Variants in WDR90 observed in about 807,000 individuals in gnomAD.
WDR90 encodes the protein WD repeat domain 90.
A neutral mutation model predicts 195.2 loss-of-function variants in WDR90; 238 were observed. The ratio of observed to expected loss-of-function variants is 1.22; its 90% CI spans 1.10 to 1.36. The LOEUF is 1.36. WDR90 is among the 40% of genes most tolerant of loss of function. The pLI is 0.00. For missense variants in WDR90, 2,734 were observed against 2,439.5 expected (o/e 1.12, Z -2.54); for synonymous variants, 1,265 against 1,052.4 (o/e 1.20, Z -3.91).
intron 23 of WDR90, 28 bp from the exon 24 acceptor site, chr16:658,868 G>T (rs1321823486): frequency 6.2e-7 from 1 of 1,608,778 alleles, no homozygotes; most frequent in Admixed American, 1.7e-5. Context: ...CCGCCTCGGG[G>T]TCCTGCATGT....
rs755853651 is a variant in WDR90 at position 661,124 on chromosome 16, C to T, written c.3465C>T (p.Ser1155=). The part of the protein sequence containing the change: ...DLHSGAQQHW[S]GHSAEISTLA... Reference sequence around the variant, plus strand: ...ACTCTGGCGCCCAGCAGCACTGGTCCGGCCACTCTGCGGAGATCTCCACGC... The same window carrying T: ...ACTCTGGCGCCCAGCAGCACTGGTCTGGCCACTCTGCGGAGATCTCCACGC... The change falls in exon 29 of 41, where the codon TCC becomes TCT. Residue 1155 remains serine, a synonymous_variant. Transcript: ENST00000293879. 90 of 1,563,532 alleles carry T rather than the reference C, an allele frequency of 5.8e-5. No individual in the cohort carries two copies. The South Asian group carries it at 7.1e-4, about 12-fold the overall frequency.
rs143792399 is a variant in WDR90, at chr16:662,535, G to T, written c.4146-144G>T. ...ATGGGCCCAGAAGCCCCAGCTCCAT[G>T]GGCTTTCTCTTCTTCCACCGGGAGG... On this transcript the variant is annotated intron_variant, in intron 33 of 40. Transcript: ENST00000293879. The T allele has an allele frequency of 1.2e-3, 1,550 of 1,287,938 alleles. 18 individuals are homozygous for T. In the East Asian group the frequency reaches 0.021, roughly 18 times the overall value. 79.8% of individuals were successfully genotyped at this position (1,287,938 alleles called of 1,614,324 possible). A position where few individuals can be genotyped will look rare whatever the true frequency, so the allele number is the denominator to read the frequency against.
rs752097396 is a variant in WDR90 at position 659,105 on chromosome 16, GC to G, written c.3038del (p.Pro1013GlnfsTer98). 26 of 1,611,792 alleles carry G rather than the reference GC, an allele frequency of 1.6e-5. No homozygotes were observed. The highest frequency in any genetic ancestry group is 4.4e-5 in the South Asian group (4 of 91,068). ...CTCCAGCGACCAAAGCTTCCCCGGG[GC>G]CCCCCCAGCCTGCAAGACAGGTGAG... The part of the protein sequence containing the change: ...PTESDQSFPG[A>X]PPACKTGPGA... On this transcript the variant is annotated frameshift_variant, in exon 25 of 41. Coordinates refer to ENST00000293879, the MANE Select transcript of WDR90 (RefSeq NM_145294.5). LOFTEE classifies it high-confidence loss of function.
At chr16:654,292 C>G (rs1286795881) in intron 13 of WDR90, 2 of 157,054 alleles carry the variant, frequency 1.3e-5, no homozygotes, top group African/African-American at 4.8e-5. Flanking sequence ...CCTCCCTGAC[C>G]TCCCCGCCAG....
In WDR90 at chr16:662,060, G is replaced by T. The variant is rs761854455; in HGVS notation, c.4033+1G>T. ...TGGGAGGCGGATGACGGTGGCATTG[G>T]TGAGTGCCCCGCAGAAGCCCTGTGG... On this transcript the variant is annotated splice_donor_variant, in intron 32 of 40. Transcript: ENST00000293879. LOFTEE classifies it high-confidence loss of function. 1.9e-6 allele frequency: 3 copies of T among 1,600,444 alleles called. No homozygotes were observed. The highest frequency in any genetic ancestry group is 1.7e-6 in the Non-Finnish European group (2 of 1,179,256).
At chr16:660,021 C>A (rs1209068320) in intron 26 of WDR90, 37 bp from the exon 27 acceptor site, 1 of 1,460,088 alleles carries the variant, frequency 6.8e-7, no homozygotes. Context: ...GAGCTCAGGG[C>A]AGTGTAATGC....
At chr16:659,171 TG>T in intron 25 of WDR90, 45 bp downstream of exon 25, 2 of 1,609,940 alleles carry the variant, frequency 1.2e-6, no homozygotes, top group Non-Finnish European at 1.7e-6. Context: ...GCGCTGACTC[TG>T]GGGCCCGTCC....
chr16:660,195 C>A lies in WDR90; in HGVS notation c.3288+34C>A. The stretch of plus-strand genomic sequence containing the variant: ...TGGTTTCTGGGAGCCCTCTTTATCC[C>A]CAGCAAGCACAGAGGCCCCCCGCAG... On this transcript the variant is annotated intron_variant, in intron 27 of 40. Transcript: ENST00000293879. The A allele has an allele frequency of 5.4e-6, 8 of 1,471,916 alleles. No individual in the cohort carries two copies. The African/African-American group carries it at 7.1e-5, about 13-fold the overall frequency. 91.2% of individuals were successfully genotyped at this position (1,471,916 alleles called of 1,614,324 possible). A position where few individuals can be genotyped will look rare whatever the true frequency, so the allele number is the denominator to read the frequency against.
chr16:649,525 G>A (rs1052859724), intron 1 of WDR90, 99 bp downstream of exon 1: 2 of 1,260,276 alleles, frequency 1.6e-6, no homozygotes, highest in Non-Finnish European at 2.0e-6. Context: ...CCTAGGCCCT[G>A]AGGCCAGAGT....
chr16:663,179 T>C lies in WDR90; in HGVS notation c.4311+335T>C, dbSNP rs754040974. 7 of 401,608 alleles carry C rather than the reference T, an allele frequency of 1.7e-5. No individual in the cohort carries two copies. In the East Asian group the frequency reaches 4.3e-4, roughly 25 times the overall value. 24.9% of individuals were successfully genotyped at this position (401,608 alleles called of 1,614,324 possible). ...CAGTCCGGGCGTGGTGGTTCATGCC[T>C]GTGATCCCAGCACTCTGGGAGGCCA... On this transcript the variant is annotated intron_variant, in intron 34 of 40. Transcript: ENST00000293879.
At chr16:649,172 CAG>C (rs1017557611), upstream of WDR90, 27 of 403,622 alleles carry the variant, frequency 6.7e-5, no homozygotes, top group East Asian at 4.0e-4. Flanking sequence ...GTCGGGCTAA[CAG>C]GGGGCTGCCT....
At position 666,774 on chromosome 16, in the gene WDR90, C is replaced by A. The variant is rs367653079; in HGVS notation, c.4986C>A (p.Tyr1662Ter). ...GPGVYKEVII[Y>*]NLCQKQVVEK... Reference sequence around the variant, plus strand: ...GTGTTTACAAGGAGGTGATCATCTACAACCTCTGCCAGAAGCAGGTACACG... The same window carrying A: ...GTGTTTACAAGGAGGTGATCATCTAAAACCTCTGCCAGAAGCAGGTACACG... Residue 1662 changes from tyrosine (Y) to a stop codon, truncating the protein, a stop_gained, in exon 39 of 41, where the codon TAC (tyrosine) becomes TAA (stop). Transcript: ENST00000293879. LOFTEE classifies it high-confidence loss of function. 1.1e-4 allele frequency: 172 copies of A among 1,612,706 alleles called. No homozygotes were observed. Among genetic ancestry groups the A allele is most frequent in the Non-Finnish European group, 1.3e-4 (155 of 1,179,960 alleles).
In WDR90 at chr16:655,704, G is replaced by A. The variant is rs753309848; in HGVS notation, c.1849+1G>A. Reference sequence around the variant, plus strand: ...CCACAGAAGCAGACCTTCAGCTCAGGTAAGAGGGCGCCCACCACGTGGCCA... The same window carrying A: ...CCACAGAAGCAGACCTTCAGCTCAGATAAGAGGGCGCCCACCACGTGGCCA... On this transcript the variant is annotated splice_donor_variant, in intron 16 of 40. Transcript: ENST00000293879. LOFTEE classifies it high-confidence loss of function. The A allele has an allele frequency of 3.8e-6, 6 of 1,589,552 alleles. No individual in the cohort carries two copies. The highest frequency in any genetic ancestry group is 2.7e-5 in the African/African-American group (2 of 74,514).
intron 4 of WDR90, 73 bp downstream of exon 4, chr16:650,435 C>T (rs1436973818): frequency 1.9e-6 from 3 of 1,590,872 alleles, no homozygotes; most frequent in East Asian, 2.3e-5. Flanking sequence ...CAGTGAGGCT[C>T]CTCTGCGGCC....
At chr16:650,854 C>T (rs573963154) in intron 5 of WDR90, 141 bp from the exon 6 acceptor site, 2 of 1,460,974 alleles carry the variant, frequency 1.4e-6, no homozygotes, top group African/African-American at 2.9e-5. Context: ...CAGAGGCAGC[C>T]CTGGGGTCAG....
Position 659,114 on chromosome 16 carries a change from G to T in WDR90, c.3040G>T (p.Ala1014Ser). Residue 1014 changes from alanine to serine, a missense_variant, in exon 25 of 41, where the codon GCC (alanine) becomes TCC (serine). By Grantham distance (99) the Ala-to-Ser change is moderately conservative. Coordinates refer to ENST00000293879, the MANE Select transcript of WDR90 (RefSeq NM_145294.5). Reference sequence around the variant, plus strand: ...CCAAAGCTTCCCCGGGGCCCCCCCAGCCTGCAAGACAGGTGAGTGGCTGTG... The same window carrying T: ...CCAAAGCTTCCCCGGGGCCCCCCCATCCTGCAAGACAGGTGAGTGGCTGTG... Reference protein sequence around the residue: ...SDQSFPGAPPACKTGPGAGPL... With the variant: ...SDQSFPGAPPSCKTGPGAGPL... 1 of 1,611,974 alleles carries T rather than the reference G, an allele frequency of 6.2e-7. No individual in the cohort carries two copies. Among genetic ancestry groups the T allele is most frequent in the South Asian group, 1.1e-5 (1 of 91,056 alleles).
intron 40 of WDR90, 107 bp from the exon 41 acceptor site, chr16:667,325 T>C: frequency 9.1e-6 from 13 of 1,435,856 alleles, no homozygotes; most frequent in Non-Finnish European, 1.2e-5. Context: ...TAGCACCAGC[T>C]CCCCCGACCA....
intron 34 of WDR90, chr16:665,401 C>T: frequency 1.7e-6 from 1 of 588,746 alleles, no homozygotes. Flanking sequence ...CACGGCCACG[C>T]TCCTGTCTTT....
At chr16:659,460 G>T in intron 26 of WDR90, 84 bp downstream of exon 26, 1 of 1,517,312 alleles carries the variant, frequency 6.6e-7, no homozygotes, top group Admixed American at 2.0e-5. Flanking sequence ...ACTCACGCAC[G>T]TCCAGCTCTG....
Sources: gnomAD v4.1 joint callset for allele counts on GRCh38, gnomAD v4.1.1 for gene constraint, MANE v1.5 for transcripts, NCBI Gene and HGNC (gene_info 2026-07-23, HGNC 2026-07-21) for gene names.